The following MYO1H variants were observed in gnomAD, a reference collection of about 807,000 sequenced individuals.
MYO1H encodes the protein myosin IH, also known as unconventional myosin-Ih.
A neutral mutation model predicts 149.3 loss-of-function variants in MYO1H; 118 were observed. That is an observed-to-expected ratio of 0.79 (90% CI 0.68 to 0.92). The LOEUF is 0.92. Ranked by LOEUF, MYO1H falls within the 40% of genes least tolerant of loss-of-function variation. The probability of loss-of-function intolerance (pLI) is 0.00; values close to 1 mark genes in which losing one functional copy is unlikely to be tolerated. For synonymous variants in MYO1H, 447 were observed against 465.2 expected, an observed-to-expected ratio of 0.96 and a Z score of 0.50; for missense variants, 1,212 against 1,280.7, an observed-to-expected ratio of 0.95 and a Z score of 0.82.
the MYO1H span, among the ~76,000 whole-genome samples, chr12:109,332,825 C>T: frequency 3.9e-5 from 6 of 152,276 alleles, no homozygotes; most frequent in East Asian, 1.2e-3. Flanking sequence ...CTTAAGCAGT[C>T]CTCCTGCCTT....
chr12:109,429,889 G>A (rs1871538859), intron 19 of MYO1H, among the ~76,000 whole-genome samples: 1 of 152,208 alleles, frequency 6.6e-6, no homozygotes, highest in South Asian at 2.1e-4. Flanking sequence ...TGGAGGATGG[G>A]AAGTCCAAGA....
At chr12:109,434,408 C>G (rs532026475) in intron 20 of MYO1H, among the ~76,000 whole-genome samples, 8 of 152,232 alleles carry the variant, frequency 5.3e-5, no homozygotes, top group African/African-American at 1.9e-4. Flanking sequence ...GCACGAGAAT[C>G]ATTTGAACCT....
exon 32 of MYO1H, chr12:109,447,874 T>C (rs888268651): frequency 6.6e-6 from 1 of 152,424 alleles, no homozygotes; most frequent in Admixed American, 6.5e-5. Context: ...TGAATACAAA[T>C]TTTATTGTAA....
intron 1 of MYO1H, among the ~76,000 whole-genome samples, chr12:109,373,601 TTA>T (rs1398957166): frequency 2.0e-5 from 3 of 152,178 alleles, no homozygotes; most frequent in African/African-American, 7.2e-5. Flanking sequence ...TACTATTTCT[TTA>T]TGTTTTGTTG....
chr12:109,446,052 A>G (rs1343110921), intron 31 of MYO1H: 1 of 985,126 alleles, frequency 1.0e-6, no homozygotes, highest in Non-Finnish European at 1.2e-6. Flanking sequence ...ACGTAAGAAA[A>G]ATATGTAAGA....
chr12:109,407,742 C>G (rs1414099912), intron 9 of MYO1H, 52 bp from the exon 10 acceptor site: 33 of 1,593,866 alleles, frequency 2.1e-5, no homozygotes, highest in Non-Finnish European at 2.8e-5. Context: ...TTTGAACACT[C>G]TGGGGGCTTC....
chr12:109,372,162 A>G (rs2137016371), intron 1 of MYO1H, among the ~76,000 whole-genome samples: 2 of 152,184 alleles, frequency 1.3e-5, no homozygotes, highest in South Asian at 4.1e-4. Flanking sequence ...AGTTGAATGA[A>G]CAGTCTGTTC....
intron 22 of MYO1H, among the ~76,000 whole-genome samples, chr12:109,437,530 C>T (rs936899698): frequency 3.9e-5 from 6 of 152,088 alleles, no homozygotes; most frequent in Admixed American, 1.3e-4. Flanking sequence ...TGGTCTCCAT[C>T]GCAGTAACTC....
chr12:109,396,308 T>A, intron 3 of MYO1H, 76 bp from the exon 4 acceptor site: 4 of 1,280,388 alleles, frequency 3.1e-6, no homozygotes, highest in Non-Finnish European at 4.3e-6. Context: ...GCACCTCATT[T>A]TTCTTCTTTG....
chr12:109,358,545 G>A (rs1218990839), intron 1 of MYO1H, among the ~76,000 whole-genome samples: 1 of 152,092 alleles, frequency 6.6e-6, no homozygotes, highest in Admixed American at 6.5e-5. Context: ...TTCGTCTCCG[G>A]GACTGTTGTC....
At chr12:109,441,101 T>G (rs187641467) in intron 25 of MYO1H, among the ~76,000 whole-genome samples, 48 of 152,348 alleles carry the variant, frequency 3.2e-4, no homozygotes, top group Non-Finnish European at 2.9e-5. Flanking sequence ...GTAGACCCCT[T>G]TCTGCTGGAA....
upstream of MYO1H, among the ~76,000 whole-genome samples, chr12:109,347,401 AAAT>A (rs1210393907): frequency 2.6e-5 from 4 of 152,104 alleles, no homozygotes; most frequent in Non-Finnish European, 4.4e-5. Context: ...CAGCATCTGA[AAAT>A]AATAATAAAA....
At chr12:109,413,363 T>C (rs1327796495) in intron 14 of MYO1H, among the ~76,000 whole-genome samples, 4 of 152,202 alleles carry the variant, frequency 2.6e-5, no homozygotes, top group Non-Finnish European at 5.9e-5. Flanking sequence ...ATTTTGTAAA[T>C]GATGCCATAA....
chr12:109,419,966 G>T (rs1871102581), intron 15 of MYO1H, among the ~76,000 whole-genome samples: 1 of 152,084 alleles, frequency 6.6e-6, no homozygotes. Context: ...AGACAGATAA[G>T]CCAAGTTTTA....
intron 5 of MYO1H, among the ~76,000 whole-genome samples, chr12:109,399,085 C>G (rs4766469): frequency 0.51 from 77,803 of 152,082 alleles, 20,860 homozygotes; most frequent in African/African-American, 0.66. Context: ...GCTCAATGTT[C>G]AGGACAAACT....
At chr12:109,420,034 TG>T (rs1404097487) in intron 15 of MYO1H, among the ~76,000 whole-genome samples, 1 of 152,188 alleles carries the variant, frequency 6.6e-6, no homozygotes, top group African/African-American at 2.4e-5. Context: ...CCACCAGCCA[TG>T]GTGCTTGAGT....
intron 1 of MYO1H, among the ~76,000 whole-genome samples, chr12:109,364,901 G>C (rs1357901656): frequency 2.0e-5 from 3 of 151,930 alleles, no homozygotes; most frequent in Non-Finnish European, 2.9e-5. Context: ...TCCCTTATTT[G>C]TCACCTTATG....
intron 1 of MYO1H, among the ~76,000 whole-genome samples, chr12:109,371,335 G>A (rs2338099): frequency 5.3e-5 from 8 of 149,986 alleles, no homozygotes; most frequent in African/African-American, 2.0e-4. Flanking sequence ...TCCTACCTTG[G>A]CCTCCTAAGT....
intron 1 of MYO1H, among the ~76,000 whole-genome samples, chr12:109,362,984 C>T (rs575729644): frequency 3.3e-5 from 5 of 152,306 alleles, no homozygotes; most frequent in African/African-American, 9.6e-5. Context: ...GAGAGTCCCT[C>T]GTTCATAGCA....
Sources: allele counts gnomAD v4.1 joint callset (sites outside exome capture counted in the v4.1 genomes callset), GRCh38; gene constraint gnomAD v4.1.1; transcripts MANE v1.5; gene names NCBI Gene and HGNC (gene_info 2026-07-23, HGNC 2026-07-21).